The following SRGAP1 variants were observed in gnomAD, a reference collection of about 807,000 sequenced individuals.
SRGAP1 encodes SLIT-ROBO Rho GTPase-activating protein 1.
In SRGAP1, 43 loss-of-function variants were observed where a neutral mutation model predicts 121.9. The ratio of observed to expected loss-of-function variants is 0.35; its 90% CI spans 0.28 to 0.46. SRGAP1 has a LOEUF of 0.46. SRGAP1 is among the 20% of genes least tolerant of loss of function. The pLI, the probability that SRGAP1 is intolerant of heterozygous loss-of-function variation, is 1.00. For synonymous variants in SRGAP1, 447 were observed against 485.4 expected, an observed-to-expected ratio of 0.92 and a Z score of 1.04; for missense variants, 1,102 against 1,350.9, an observed-to-expected ratio of 0.82 and a Z score of 2.89.
chr12:64,076,285 C>T lies in SRGAP1; in HGVS notation c.1126-2634C>T, dbSNP rs541938427. Among the ~76,000 whole-genome samples the T allele has an allele frequency of 4.6e-5, 7 of 152,224 alleles. No individual in the cohort carries two copies. The East Asian group carries it at 1.4e-3, about 29-fold the overall frequency. On this transcript the variant is annotated intron_variant, in intron 8 of 21. Transcript: ENST00000355086. ...AGAAATAATAGACAATAGAGACACA[C>T]CCACAGGAACTCCAGATATTGGGAT...
At position 64,109,024 on chromosome 12, in the gene SRGAP1, GCCTT is replaced by G; in HGVS notation, c.1910_1913del (p.Phe637SerfsTer12). The G allele has an allele frequency of 6.4e-7, 1 of 1,561,112 alleles. No homozygotes were observed. The highest frequency in any genetic ancestry group is 8.7e-7 in the Non-Finnish European group (1 of 1,145,820). ...CCTTATAGTGATGAGGTACCTCTTTGCCTTCCTCAATCAGTAAGTACCTGAATGC... is the reference window on the plus strand; with the variant it reads ...CCTTATAGTGATGAGGTACCTCTTTGCCTCAATCAGTAAGTACCTGAATGC... On this transcript the variant is annotated frameshift_variant, in exon 16 of 22. Coordinates refer to ENST00000355086, the MANE Select transcript of SRGAP1 (RefSeq NM_020762.4). LOFTEE classifies it high-confidence loss of function.
chr12:63,884,589 T>A (rs1900308028), intron 1 of SRGAP1, among the ~76,000 whole-genome samples: 1 of 152,144 alleles, frequency 6.6e-6, no homozygotes, highest in Admixed American at 6.5e-5. Flanking sequence ...TGCAGTATTT[T>A]ACTGTTAACT....
chr12:64,037,063 G>T (rs1341646646), intron 4 of SRGAP1, among the ~76,000 whole-genome samples: 1 of 152,206 alleles, frequency 6.6e-6, no homozygotes, highest in Non-Finnish European at 1.5e-5. Flanking sequence ...GATCCCTCTG[G>T]CTGAGAAGCC....
intron 15 of SRGAP1, among the ~76,000 whole-genome samples, chr12:64,098,219 C>T (rs2136596128): frequency 6.6e-6 from 1 of 152,198 alleles, no homozygotes; most frequent in African/African-American, 2.4e-5. Context: ...TCTCACTACT[C>T]ATCCCTCCTT....
intron 3 of SRGAP1, among the ~76,000 whole-genome samples, chr12:64,000,245 T>TGTGA: frequency 6.9e-6 from 1 of 145,410 alleles, no homozygotes; most frequent in Non-Finnish European, 1.5e-5. Context: ...TAGGGGTGTG[T>TGTGA]GTGTGTGTGT....
chr12:63,954,320 C>T (rs905576506), intron 1 of SRGAP1, among the ~76,000 whole-genome samples: 1 of 152,166 alleles, frequency 6.6e-6, no homozygotes, highest in African/African-American at 2.4e-5. Context: ...CTTGCCCTAG[C>T]AATTTCTAAT....
intron 4 of SRGAP1, among the ~76,000 whole-genome samples, chr12:64,018,239 CCA>C (rs1323177368): frequency 2.0e-5 from 3 of 152,100 alleles, no homozygotes; most frequent in South Asian, 2.1e-4. Flanking sequence ...CAGGCATGCG[CCA>C]GCATGCCTGG....
At chr12:63,888,526 A>G (rs966033932) in intron 1 of SRGAP1, 16 of 152,190 alleles carry the variant, frequency 1.1e-4, no homozygotes, top group African/African-American at 3.9e-4. Context: ...CTGACATTCT[A>G]GGCTTGTATC....
chr12:63,895,265 A>G (rs1900717357), intron 1 of SRGAP1, among the ~76,000 whole-genome samples: 1 of 152,208 alleles, frequency 6.6e-6, no homozygotes. Flanking sequence ...AGCTTATCTC[A>G]TATGGGAGTT....
chr12:63,865,139 C>T (rs1899581020), intron 1 of SRGAP1, among the ~76,000 whole-genome samples: 1 of 151,922 alleles, frequency 6.6e-6, no homozygotes, highest in South Asian at 2.1e-4. Flanking sequence ...ACATTTTTGC[C>T]AATGAAAAAT....
intron 12 of SRGAP1, chr12:64,091,816 A>G (rs926873748): frequency 1.3e-5 from 12 of 958,702 alleles, no homozygotes; most frequent in Non-Finnish European, 1.7e-5. Context: ...TTGTAAGACT[A>G]TGATCTATAC....
intron 1 of SRGAP1, among the ~76,000 whole-genome samples, chr12:63,893,283 GAGA>G (rs1225687762): frequency 6.6e-6 from 1 of 152,190 alleles, no homozygotes; most frequent in Non-Finnish European, 1.5e-5. Flanking sequence ...AGTGAAGACT[GAGA>G]AGAACTGTGC....
chr12:63,951,181 T>TG lies in SRGAP1; in HGVS notation c.68-32765dup, dbSNP rs1459443122. Among the ~76,000 whole-genome samples the TG allele has an allele frequency of 7.3e-5, 9 of 122,884 alleles. No individual in the cohort carries two copies. In the East Asian group the frequency reaches 2.1e-3, roughly 28 times the overall value. The allele number at this position is 122,884 out of a possible 152,430, so 80.6% of individuals were successfully genotyped here. ...TTTTTTTTTTTTTTTTTTTTTTTTTTGAGACAGAGTCTTGCTCTGTCACCC... is the reference window on the plus strand; with the variant it reads ...TTTTTTTTTTTTTTTTTTTTTTTTTTGGAGACAGAGTCTTGCTCTGTCACCC... On this transcript the variant is annotated intron_variant, in intron 1 of 21. Coordinates refer to ENST00000355086, the MANE Select transcript of SRGAP1 (RefSeq NM_020762.4).
At chr12:64,079,209 C>T in intron 9 of SRGAP1, 93 bp downstream of exon 9, 3 of 1,398,448 alleles carry the variant, frequency 2.1e-6, no homozygotes, top group Non-Finnish European at 2.9e-6. Context: ...ATCTGGGGTT[C>T]CTTTTGTTAA....
At chr12:64,096,164 G>C (rs2036151348) in intron 14 of SRGAP1, among the ~76,000 whole-genome samples, 1 of 152,106 alleles carries the variant, frequency 6.6e-6, no homozygotes, top group African/African-American at 2.4e-5. Flanking sequence ...CAAAATACAT[G>C]ATCATTTTTC....
intron 17 of SRGAP1, among the ~76,000 whole-genome samples, chr12:64,113,986 G>A (rs1165856852): frequency 2.0e-5 from 3 of 151,996 alleles, no homozygotes; most frequent in Non-Finnish European, 4.4e-5. Context: ...TTAAGTAGAA[G>A]TGGAATGAGT....
chr12:64,004,702 C>T (rs1593029805), intron 3 of SRGAP1, among the ~76,000 whole-genome samples: 1 of 152,324 alleles, frequency 6.6e-6, no homozygotes, highest in East Asian at 1.9e-4. Context: ...GGCATAGACA[C>T]ATTGAATCCT....
At chr12:64,000,277 A>AGTGT (rs747929850) in intron 3 of SRGAP1, among the ~76,000 whole-genome samples, 5,714 of 82,962 alleles carry the variant, frequency 0.069, 140 homozygotes, top group Non-Finnish European at 0.11. Context: ...TGTGTGTGTA[A>AGTGT]AAAAAAAAAA....
chr12:64,112,699 G>A (rs1460038511), intron 17 of SRGAP1, among the ~76,000 whole-genome samples: 1 of 152,178 alleles, frequency 6.6e-6, no homozygotes, highest in Non-Finnish European at 1.5e-5. Flanking sequence ...AAATATGGGA[G>A]TGCAGATATC....
Sources: gnomAD v4.1 joint callset for allele counts (sites outside exome capture counted in the v4.1 genomes callset) on GRCh38, gnomAD v4.1.1 for gene constraint, MANE v1.5 for transcripts, NCBI Gene and HGNC (gene_info 2026-07-23, HGNC 2026-07-21) for gene names.